DNM3: variants seen among roughly 807,000 people sequenced by gnomAD.
DNM3 encodes dynamin 3.
Under a neutral mutation model 101.6 loss-of-function variants are expected in DNM3, and 47 were observed. The observed-to-expected ratio is 0.46, with a 90% CI of 0.37 to 0.59. The LOEUF (loss-of-function observed/expected upper bound fraction) is 0.59. Among genes scored for constraint, DNM3 ranks in the 20% least tolerant of loss-of-function variants. DNM3 has a pLI of 0.00. For synonymous variants in DNM3, 385 were observed against 387.9 expected (o/e 0.99, Z 0.09); for missense variants, 849 against 1,085.7 (o/e 0.78, Z 3.06).
At chr1:171,969,619 G>T (rs1053969892) in intron 2 of DNM3, among the ~76,000 whole-genome samples, 1 of 152,046 alleles carries the variant, frequency 6.6e-6, no homozygotes, top group African/African-American at 2.4e-5. Context: ...AAGCTTTCTT[G>T]GTCATATAAA....
chr1:172,206,918 T>C (rs1278677423), intron 14 of DNM3, among the ~76,000 whole-genome samples: 1 of 152,102 alleles, frequency 6.6e-6, no homozygotes, highest in African/African-American at 2.4e-5. Context: ...TTGTCACTAC[T>C]CCTCTGAGTT....
intron 16 of DNM3, among the ~76,000 whole-genome samples, chr1:172,315,347 G>T (rs1053341451): frequency 1.3e-5 from 2 of 152,154 alleles, no homozygotes; most frequent in African/African-American, 4.8e-5. Flanking sequence ...TCCTCCAAAG[G>T]AACGCAGTTC....
intron 10 of DNM3, among the ~76,000 whole-genome samples, chr1:172,066,948 G>C (rs1241814453): frequency 1.2e-5 from 1 of 80,104 alleles, no homozygotes; most frequent in African/African-American, 4.0e-5. Flanking sequence ...CTCTGTCTCT[G>C]TGTTTGTGTG....
chr1:172,196,916 A>C (rs1377934639), intron 14 of DNM3, among the ~76,000 whole-genome samples: 1 of 152,060 alleles, frequency 6.6e-6, no homozygotes, highest in East Asian at 1.9e-4. Context: ...GTTTAATTAG[A>C]TCCCACTTGT....
intron 13 of DNM3, among the ~76,000 whole-genome samples, chr1:172,113,364 T>A (rs1049849189): frequency 6.6e-6 from 1 of 152,038 alleles, no homozygotes; most frequent in Non-Finnish European, 1.5e-5. Context: ...TCCCCCACTT[T>A]TTTACAATTG....
intron 2 of DNM3, among the ~76,000 whole-genome samples, chr1:171,949,588 T>A (rs952892544): frequency 2.6e-5 from 4 of 151,982 alleles, no homozygotes; most frequent in South Asian, 2.1e-4. Flanking sequence ...GAAATTTTTT[T>A]TTTTTTTTGT....
intron 1 of DNM3, among the ~76,000 whole-genome samples, chr1:171,879,145 A>G (rs970400554): frequency 2.0e-5 from 3 of 152,228 alleles, no homozygotes. Flanking sequence ...CACACTCAGT[A>G]AAACTAACAT....
chr1:171,976,175 A>G (rs2044357607), intron 2 of DNM3, among the ~76,000 whole-genome samples: 1 of 152,236 alleles, frequency 6.6e-6, no homozygotes, highest in Admixed American at 6.5e-5. Flanking sequence ...ATAGATATTT[A>G]CATGCAAAAA....
intron 1 of DNM3, among the ~76,000 whole-genome samples, chr1:171,876,688 T>C (rs1185948686): frequency 6.6e-6 from 1 of 152,242 alleles, no homozygotes; most frequent in Non-Finnish European, 1.5e-5. Context: ...AAAAATGACA[T>C]TTATTGACTA....
intron 1 of DNM3, among the ~76,000 whole-genome samples, chr1:171,865,757 T>TA (rs1464406462): frequency 6.6e-6 from 1 of 152,114 alleles, no homozygotes; most frequent in Admixed American, 6.6e-5. Context: ...TAGAGGTGAG[T>TA]AAAAAACAAT....
intron 1 of DNM3, among the ~76,000 whole-genome samples, chr1:171,900,577 C>T (rs1289941590): frequency 6.6e-6 from 1 of 152,034 alleles, no homozygotes; most frequent in Non-Finnish European, 1.5e-5. Context: ...AGGGCGGCTT[C>T]CAGGGTGAAG....
intron 14 of DNM3, chr1:172,144,723 C>G (rs1304337951): frequency 1.6e-5 from 7 of 447,174 alleles, no homozygotes; most frequent in Admixed American, 4.9e-5. Context: ...AGCTTTCCCC[C>G]CTGAATTCTG....
intron 13 of DNM3, among the ~76,000 whole-genome samples, chr1:172,098,504 G>A (rs2054405354): frequency 6.6e-6 from 1 of 152,142 alleles, no homozygotes; most frequent in African/African-American, 2.4e-5. Flanking sequence ...AATTTGTGCA[G>A]TTAACGCAAT....
In DNM3 at chr1:172,022,774, C is replaced by T. The variant is rs984489012; in HGVS notation, c.590-9628C>T. On this transcript the variant is annotated intron_variant, in intron 4 of 20. Coordinates refer to ENST00000627582, the MANE Select transcript of DNM3 (RefSeq NM_015569.5). ...TTTTTATTTTTCTTAGTTTTAGATA[C>T]TCTCTTTTGACTTCTCACTGTAGAG... 8.6e-5 allele frequency among the ~76,000 whole-genome samples: 13 copies of T among 151,930 alleles called. No homozygotes were observed. In the South Asian group the frequency reaches 2.7e-3, roughly 31 times the overall value.
intron 14 of DNM3, among the ~76,000 whole-genome samples, chr1:172,224,536 C>CA (rs1035560729): frequency 2.2e-4 from 33 of 149,930 alleles, no homozygotes; most frequent in Non-Finnish European, 3.4e-4. Flanking sequence ...CCGAGGGAAG[C>CA]AAAAAAAAAT....
intron 1 of DNM3, among the ~76,000 whole-genome samples, chr1:171,843,689 C>T (rs2031629093): frequency 6.6e-6 from 1 of 152,146 alleles, no homozygotes; most frequent in Admixed American, 6.5e-5. Flanking sequence ...CACAATTCTA[C>T]ATTCTAGGTT....
intron 4 of DNM3, among the ~76,000 whole-genome samples, chr1:172,008,856 T>C (rs546932951): frequency 4.3e-5 from 6 of 138,784 alleles, no homozygotes; most frequent in African/African-American, 1.6e-4. Flanking sequence ...TATTATATTA[T>C]ATTACTATAT....
At chr1:172,018,988 C>T (rs2047638305) in intron 4 of DNM3, among the ~76,000 whole-genome samples, 1 of 144,246 alleles carries the variant, frequency 6.9e-6, no homozygotes, top group Non-Finnish European at 1.5e-5. Context: ...TCCCTCCTTC[C>T]TTCCCTCCCT....
intron 2 of DNM3, among the ~76,000 whole-genome samples, chr1:171,979,620 C>T (rs1242187961): frequency 6.6e-6 from 1 of 152,100 alleles, no homozygotes; most frequent in East Asian, 1.9e-4. Flanking sequence ...CTGTAAAAGT[C>T]CCCCATCTCT....
Sources: allele counts gnomAD v4.1 joint callset (sites outside exome capture counted in the v4.1 genomes callset), GRCh38; gene constraint gnomAD v4.1.1; transcripts MANE v1.5; gene names NCBI Gene and HGNC (gene_info 2026-07-23, HGNC 2026-07-21).